Variants in DLGAP2 observed in about 807,000 individuals in gnomAD.
The protein encoded by DLGAP2 is DLG associated protein 2.
Under a neutral mutation model 100.3 loss-of-function variants are expected in DLGAP2, and 26 were observed. The ratio of observed to expected loss-of-function variants is 0.26; its 90% CI spans 0.19 to 0.36. The LOEUF is 0.36. Ranked by LOEUF, DLGAP2 falls within the 10% of genes least tolerant of loss-of-function variation. DLGAP2 has a pLI of 1.00. For missense variants in DLGAP2, 1,858 were observed against 1,453.2 expected, an observed-to-expected ratio of 1.28 and a Z score of -4.53; for synonymous variants, 886 against 630.1, an observed-to-expected ratio of 1.41 and a Z score of -6.08.
chr8:939,778 ATT>A (rs1799150139), intron 2 of DLGAP2, among the ~76,000 whole-genome samples: 1 of 87,904 alleles, frequency 1.1e-5, no homozygotes, highest in Admixed American at 1.3e-4. Flanking sequence ...GGTGCCTGGG[ATT>A]GGGAGGTGCA....
chr8:1,150,927 A>C (rs1340440193), intron 2 of DLGAP2, among the ~76,000 whole-genome samples: 1 of 152,228 alleles, frequency 6.6e-6, no homozygotes, highest in Non-Finnish European at 1.5e-5. Context: ...TTACTTTCTG[A>C]GATAATCATT....
intron 3 of DLGAP2, among the ~76,000 whole-genome samples, chr8:1,354,605 A>T (rs1222950333): frequency 2.0e-5 from 3 of 151,636 alleles, no homozygotes; most frequent in Non-Finnish European, 4.4e-5. Flanking sequence ...AAAGTCACGG[A>T]TGATGCTGCG....
At chr8:1,588,031 C>G (rs1487762230) in intron 6 of DLGAP2, among the ~76,000 whole-genome samples, 1 of 152,186 alleles carries the variant, frequency 6.6e-6, no homozygotes, top group Non-Finnish European at 1.5e-5. Context: ...CATCACGTGA[C>G]TCCTAATAGA....
chr8:1,451,974 C>G (rs907496549), intron 3 of DLGAP2, among the ~76,000 whole-genome samples: 2 of 152,230 alleles, frequency 1.3e-5, no homozygotes, highest in African/African-American at 4.8e-5. Context: ...ACTCTTAAAA[C>G]GACAACAAAA....
At chr8:1,258,092 A>G (rs886074886) in intron 2 of DLGAP2, among the ~76,000 whole-genome samples, 9 of 152,220 alleles carry the variant, frequency 5.9e-5, no homozygotes, top group Non-Finnish European at 1.2e-4. Context: ...AGCCAAGTTC[A>G]TAGTCACTCA....
intron 6 of DLGAP2, among the ~76,000 whole-genome samples, chr8:1,579,520 A>G (rs886814851): frequency 1.3e-5 from 2 of 148,694 alleles, no homozygotes; most frequent in Non-Finnish European, 2.9e-5. Flanking sequence ...CATAATAAAA[A>G]CCTGAGAGTT....
At chr8:751,419 C>T (rs1198948257) in intron 1 of DLGAP2, among the ~76,000 whole-genome samples, 1 of 152,220 alleles carries the variant, frequency 6.6e-6, no homozygotes, top group Non-Finnish European at 1.5e-5. Flanking sequence ...CAGGAGGTGT[C>T]GCGCCATCTG....
At chr8:771,689 G>C (rs1161992156) in intron 1 of DLGAP2, among the ~76,000 whole-genome samples, 1 of 152,232 alleles carries the variant, frequency 6.6e-6, no homozygotes, top group Non-Finnish European at 1.5e-5. Flanking sequence ...GTGGCCTCTG[G>C]GGCTCTGCCC....
intron 3 of DLGAP2, among the ~76,000 whole-genome samples, chr8:1,416,734 G>A (rs1178872878): frequency 6.6e-6 from 1 of 152,182 alleles, no homozygotes; most frequent in Non-Finnish European, 1.5e-5. Flanking sequence ...CAGGTAGTAA[G>A]AAAAGGAATC....
intron 12 of DLGAP2, among the ~76,000 whole-genome samples, chr8:1,685,035 G>C (rs1349633548): frequency 6.6e-6 from 1 of 152,258 alleles, no homozygotes; most frequent in East Asian, 1.9e-4. Context: ...TGCTCACTAA[G>C]TTCTCCTTTT....
intron 2 of DLGAP2, among the ~76,000 whole-genome samples, chr8:1,240,266 C>T (rs1798757591): frequency 1.2e-5 from 1 of 80,230 alleles, no homozygotes; most frequent in African/African-American, 4.0e-5. Context: ...TTACATGGCG[C>T]CGTGTCTAGT....
chr8:1,191,864 A>C (rs918822307), intron 2 of DLGAP2, among the ~76,000 whole-genome samples: 1 of 152,230 alleles, frequency 6.6e-6, no homozygotes, highest in Non-Finnish European at 1.5e-5. Context: ...TACAGTCAAT[A>C]GGAAGCGCCT....
intron 3 of DLGAP2, among the ~76,000 whole-genome samples, chr8:1,425,570 T>C (rs748981806): frequency 1.3e-5 from 2 of 152,130 alleles, no homozygotes; most frequent in African/African-American, 2.4e-5. Context: ...CTGGATCCCT[T>C]GGAGCAGATG....
Position 850,234 on chromosome 8 carries a change from A to T in DLGAP2, c.19-57678A>T, listed in dbSNP as rs754849734. Among the ~76,000 whole-genome samples, 7 of 152,150 alleles carry T rather than the reference A, an allele frequency of 4.6e-5. 1 individual carries two copies. The highest frequency in any genetic ancestry group is 1.0e-4 in the Non-Finnish European group (7 of 68,026). The stretch of plus-strand genomic sequence containing the variant: ...GTGTGTCAAAACAGTGTTTTGAATA[A>T]TAGAATATTTTAATTTTCATAATGT... On this transcript the variant is annotated intron_variant, in intron 1 of 14. Transcript: ENST00000637795.
At chr8:1,514,378 C>G (rs1043882485) in intron 4 of DLGAP2, among the ~76,000 whole-genome samples, 1 of 152,250 alleles carries the variant, frequency 6.6e-6, no homozygotes, top group Non-Finnish European at 1.5e-5. Flanking sequence ...TTCTGTTTCA[C>G]ATAACACAGA....
intron 2 of DLGAP2, among the ~76,000 whole-genome samples, chr8:1,038,317 TG>T (rs1357405928): frequency 6.6e-6 from 1 of 152,190 alleles, no homozygotes; most frequent in Non-Finnish European, 1.5e-5. Context: ...GGCTCAATTA[TG>T]GGCAATTTGG....
At chr8:1,136,202 C>A (rs1282553530) in intron 2 of DLGAP2, among the ~76,000 whole-genome samples, 1 of 152,130 alleles carries the variant, frequency 6.6e-6, no homozygotes, top group Non-Finnish European at 1.5e-5. Context: ...TTGAAGACCC[C>A]TGGGTTCTGC....
chr8:752,244 C>T (rs1265764259), intron 1 of DLGAP2, among the ~76,000 whole-genome samples: 1 of 152,222 alleles, frequency 6.6e-6, no homozygotes, highest in Non-Finnish European at 1.5e-5. Flanking sequence ...TGCCATGAAG[C>T]AGAGAGGGAG....
At chr8:1,484,209 G>A (rs777670286) in intron 3 of DLGAP2, among the ~76,000 whole-genome samples, 12 of 152,248 alleles carry the variant, frequency 7.9e-5, no homozygotes, top group Admixed American at 2.0e-4. Context: ...GCTTCTGAAT[G>A]AACAGTGAGC....
Sources: gnomAD v4.1 joint callset for allele counts (sites outside exome capture counted in the v4.1 genomes callset) on GRCh38, gnomAD v4.1.1 for gene constraint, MANE v1.5 for transcripts, NCBI Gene and HGNC (gene_info 2026-07-23, HGNC 2026-07-21) for gene names.